OPHN1: variants seen among roughly 807,000 people sequenced by gnomAD.
OPHN1 encodes oligophrenin 1, also known as oligophrenin-1.
In OPHN1, 11 loss-of-function variants were observed where a neutral mutation model predicts 60.7. That is an observed-to-expected ratio of 0.18 (90% CI 0.11 to 0.30). The LOEUF (loss-of-function observed/expected upper bound fraction) is 0.30. Ranked by LOEUF, OPHN1 falls within the 10% of genes least tolerant of loss-of-function variation. The probability of loss-of-function intolerance (pLI) is 1.00; values close to 1 mark genes in which losing one functional copy is unlikely to be tolerated. For synonymous variants in OPHN1, 226 were observed against 222.6 expected, an observed-to-expected ratio of 1.02 and a Z score of -0.14; for missense variants, 449 against 611.0, an observed-to-expected ratio of 0.73 and a Z score of 2.80.
At chrX:68,335,337 A>G (rs5965551) in intron 2 of OPHN1, among the ~76,000 whole-genome samples, 9,093 of 111,556 alleles carry the variant, frequency 0.082, 917 homozygotes, top group African/African-American at 0.28. Context: ...CAATAGAATC[A>G]CATGGAGAGA....
At chrX:68,404,108 A>G (rs1243935946) in intron 2 of OPHN1, among the ~76,000 whole-genome samples, 1 of 109,956 alleles carries the variant, frequency 9.1e-6, no homozygotes, top group African/African-American at 3.3e-5. Context: ...GAGAATTGGT[A>G]TGGGATGCCA....
At chrX:68,263,029 T>C (rs1157421579) in intron 5 of OPHN1, among the ~76,000 whole-genome samples, 1 of 112,222 alleles carries the variant, frequency 8.9e-6, no homozygotes, top group Non-Finnish European at 1.9e-5. Context: ...AGTTCTGTTA[T>C]AAAAGACATG....
chrX:68,160,412 G>A (rs1249036602), intron 15 of OPHN1, among the ~76,000 whole-genome samples: 1 of 111,087 alleles, frequency 9.0e-6, no homozygotes, highest in African/African-American at 3.3e-5. Flanking sequence ...GACATTAATA[G>A]GCCTATAAAC....
At chrX:68,079,415 C>A (rs1301363337) in intron 19 of OPHN1, among the ~76,000 whole-genome samples, 1 of 111,995 alleles carries the variant, frequency 8.9e-6, no homozygotes, top group Admixed American at 9.5e-5. Context: ...CTGCTGATTG[C>A]TGACTCCAAC....
At chrX:68,125,037 A>C (rs1259897878) in intron 15 of OPHN1, among the ~76,000 whole-genome samples, 1 of 112,064 alleles carries the variant, frequency 8.9e-6, no homozygotes, top group Non-Finnish European at 1.9e-5. Flanking sequence ...GAAATCAATA[A>C]GAAGAGGAAT....
intron 16 of OPHN1, among the ~76,000 whole-genome samples, chrX:68,116,767 C>T (rs1308475222): frequency 9.0e-6 from 1 of 111,681 alleles, no homozygotes; most frequent in Non-Finnish European, 1.9e-5. Flanking sequence ...AAATGCATGA[C>T]CATCATTTGG....
chrX:68,168,636 C>A (rs2077372271), intron 15 of OPHN1, among the ~76,000 whole-genome samples: 1 of 111,840 alleles, frequency 8.9e-6, no homozygotes, highest in African/African-American at 3.3e-5. Flanking sequence ...TAGCAGAAGG[C>A]AAGAAATAAC....
At chrX:68,254,168 G>A in intron 5 of OPHN1, among the ~76,000 whole-genome samples, 1 of 111,305 alleles carries the variant, frequency 9.0e-6, no homozygotes, top group South Asian at 3.8e-4. Flanking sequence ...AGACCTGCTG[G>A]AGGAACAAAA....
chrX:68,347,875 G>C (rs2078386705), intron 2 of OPHN1, among the ~76,000 whole-genome samples: 3 of 111,919 alleles, frequency 2.7e-5, no homozygotes, highest in South Asian at 3.7e-4. Context: ...TTTGGTAAGA[G>C]AGAAAAGACA....
chrX:68,304,273 A>G (rs1414499863), intron 2 of OPHN1, among the ~76,000 whole-genome samples: 1 of 111,149 alleles, frequency 9.0e-6, no homozygotes, highest in South Asian at 3.8e-4. Flanking sequence ...TGATTATACC[A>G]TTTTGCATTC....
At chrX:68,224,362 G>A (rs557712207) in intron 6 of OPHN1, among the ~76,000 whole-genome samples, 32 of 111,557 alleles carry the variant, frequency 2.9e-4, no homozygotes, top group African/African-American at 7.8e-4. Flanking sequence ...AGTCAAAGAC[G>A]CAAAGAAAAG....
chrX:68,070,690 C>A, intron 20 of OPHN1: 1 of 1,038,771 alleles, frequency 9.6e-7, no homozygotes, highest in Non-Finnish European at 1.4e-6. Flanking sequence ...CTAGAAGTGG[C>A]TTTCACCACC....
intron 15 of OPHN1, among the ~76,000 whole-genome samples, chrX:68,187,082 T>C (rs1279855392): frequency 8.9e-6 from 1 of 112,035 alleles, no homozygotes; most frequent in Admixed American, 9.5e-5. Flanking sequence ...CTAAAGGTCT[T>C]ACCACAGATT....
chrX:68,195,003 A>AAAGGAAGGAAGGAAGGAAGGAAGG (rs747674245), intron 12 of OPHN1, among the ~76,000 whole-genome samples: 18 of 58,732 alleles, frequency 3.1e-4, no homozygotes, highest in Non-Finnish European at 3.8e-4. Context: ...AGAGAGAAAG[A>AAAGGAAGGAAGGAAGGAAGGAAGG]AAGGAAGGAA....
At chrX:68,259,354 A>G (rs1435697701) in intron 5 of OPHN1, among the ~76,000 whole-genome samples, 1 of 110,846 alleles carries the variant, frequency 9.0e-6, no homozygotes, top group Non-Finnish European at 1.9e-5. Flanking sequence ...GGGTGGCTGC[A>G]ATGGGAAGAT....
chrX:68,074,253 T>G (rs2076945810), intron 19 of OPHN1, among the ~76,000 whole-genome samples: 1 of 111,900 alleles, frequency 8.9e-6, no homozygotes, highest in African/African-American at 3.2e-5. Context: ...ATAACATGAT[T>G]GAGAACACAA....
intron 2 of OPHN1, among the ~76,000 whole-genome samples, chrX:68,428,316 A>G (rs774560457): frequency 5.4e-5 from 6 of 112,067 alleles, no homozygotes; most frequent in Non-Finnish European, 1.1e-4. Flanking sequence ...GGGAACAGCT[A>G]AACAAGTGAT....
At chrX:68,404,605 C>G (rs901047711) in intron 2 of OPHN1, among the ~76,000 whole-genome samples, 4 of 111,191 alleles carry the variant, frequency 3.6e-5, no homozygotes, top group African/African-American at 9.8e-5. Flanking sequence ...TGGAAACAAC[C>G]CAAATGTTCA....
At chrX:68,246,783 C>T (rs1223013269) in intron 5 of OPHN1, among the ~76,000 whole-genome samples, 1 of 111,213 alleles carries the variant, frequency 9.0e-6, no homozygotes, top group Non-Finnish European at 1.9e-5. Flanking sequence ...CTCTAATATA[C>T]TATGCATAGT....
Sources: allele counts gnomAD v4.1 joint callset (sites outside exome capture counted in the v4.1 genomes callset), GRCh38; gene constraint gnomAD v4.1.1; transcripts MANE v1.5; gene names NCBI Gene and HGNC (gene_info 2026-07-23, HGNC 2026-07-21).